The following MYRFL variants were observed in gnomAD, a reference collection of about 807,000 sequenced individuals.
The protein encoded by MYRFL is myelin regulatory factor-like protein.
Under a neutral mutation model 109.4 loss-of-function variants are expected in MYRFL, and 88 were observed. The observed-to-expected ratio is 0.80, with a 90% CI of 0.68 to 0.96. The LOEUF is 0.96. MYRFL is among the 40% of genes least tolerant of loss of function. The pLI is 0.00. For missense variants in MYRFL, 957 were observed against 954.9 expected (o/e 1.00, Z -0.03); for synonymous variants, 324 against 320.9 (o/e 1.01, Z -0.10).
At chr12:69,895,892 C>A (rs760939215) in intron 9 of MYRFL, among the ~76,000 whole-genome samples, 2 of 152,138 alleles carry the variant, frequency 1.3e-5, no homozygotes, top group Admixed American at 1.3e-4. Flanking sequence ...ATGATTTAGA[C>A]CTGTGGTTTT....
intron 11 of MYRFL, among the ~76,000 whole-genome samples, chr12:69,907,199 A>G (rs760263063): frequency 2.0e-5 from 3 of 152,192 alleles, no homozygotes; most frequent in African/African-American, 7.2e-5. Context: ...GAAATTAGAA[A>G]AGCATTTTGT....
At chr12:69,842,260 G>T (rs1014088293) in intron 1 of MYRFL, among the ~76,000 whole-genome samples, 3 of 152,116 alleles carry the variant, frequency 2.0e-5, no homozygotes, top group African/African-American at 7.2e-5. Context: ...CAGGCTAAAT[G>T]ATCTTTCAGA....
At chr12:69,881,185 G>T (rs898464214) in intron 5 of MYRFL, among the ~76,000 whole-genome samples, 1 of 152,014 alleles carries the variant, frequency 6.6e-6, no homozygotes, top group Non-Finnish European at 1.5e-5. Context: ...GCCCAGGCTG[G>T]TCTTGAATTC....
chr12:69,872,873 C>T (rs966451387), intron 2 of MYRFL, among the ~76,000 whole-genome samples: 3 of 152,028 alleles, frequency 2.0e-5, no homozygotes, highest in Non-Finnish European at 4.4e-5. Context: ...CTCAAGCAAT[C>T]CTCCTGCCTC....
intron 23 of MYRFL, 77 bp downstream of exon 23, chr12:69,958,019 G>T: frequency 6.7e-7 from 1 of 1,482,188 alleles, no homozygotes; most frequent in Non-Finnish European, 9.0e-7. Flanking sequence ...TCCCTCCCTG[G>T]CCAACCCTAG....
At chr12:69,943,131 C>T (rs1955717086) in intron 19 of MYRFL, among the ~76,000 whole-genome samples, 1 of 151,564 alleles carries the variant, frequency 6.6e-6, no homozygotes, top group Non-Finnish European at 1.5e-5. Flanking sequence ...AGATTCAATG[C>T]CATCCCCATC....
At chr12:69,863,681 A>T (rs1240230) in intron 2 of MYRFL, among the ~76,000 whole-genome samples, 3 of 152,034 alleles carry the variant, frequency 2.0e-5, no homozygotes, top group Non-Finnish European at 4.4e-5. Context: ...GTATATGTTG[A>T]GGAACTTAAG....
intron 2 of MYRFL, among the ~76,000 whole-genome samples, chr12:69,867,555 T>A (rs1885083925): frequency 6.6e-6 from 1 of 152,168 alleles, no homozygotes; most frequent in South Asian, 2.1e-4. Flanking sequence ...CTTAGAGACA[T>A]GTTATATCTG....
At chr12:69,899,700 C>T (rs1954120190) in intron 10 of MYRFL, among the ~76,000 whole-genome samples, 1 of 152,228 alleles carries the variant, frequency 6.6e-6, no homozygotes, top group South Asian at 2.1e-4. Context: ...TAGATGAGTT[C>T]CAGGTCTCCA....
chr12:69,887,490 A>C (rs1333006423), intron 6 of MYRFL, among the ~76,000 whole-genome samples: 2 of 152,184 alleles, frequency 1.3e-5, no homozygotes, highest in Non-Finnish European at 2.9e-5. Flanking sequence ...AAACATCCTA[A>C]AAAAGTGGAA....
chr12:69,939,796 A>G (rs550774978), intron 19 of MYRFL, among the ~76,000 whole-genome samples: 2 of 152,142 alleles, frequency 1.3e-5, no homozygotes, highest in South Asian at 4.2e-4. Context: ...AAACTTTGAA[A>G]AAAATTTAGA....
At chr12:69,877,831 G>T (rs1295403566) in intron 2 of MYRFL, among the ~76,000 whole-genome samples, 1 of 152,192 alleles carries the variant, frequency 6.6e-6, no homozygotes, top group East Asian at 1.9e-4. Context: ...TCAAGTAGAG[G>T]TTGGGGTGCT....
intron 19 of MYRFL, among the ~76,000 whole-genome samples, chr12:69,946,022 A>AACTT (rs1306297876): frequency 1.4e-5 from 2 of 147,714 alleles, no homozygotes; most frequent in African/African-American, 2.5e-5. Flanking sequence ...AAATTATAGA[A>AACTT]ACTTAATCAA....
chr12:69,933,224 C>T (rs1955326023), intron 16 of MYRFL, among the ~76,000 whole-genome samples: 1 of 151,900 alleles, frequency 6.6e-6, no homozygotes, highest in Non-Finnish European at 1.5e-5. Flanking sequence ...AGGCGGGAGG[C>T]AGCCTTTGCT....
At chr12:69,942,920 C>A (rs1294208969) in intron 19 of MYRFL, among the ~76,000 whole-genome samples, 6 of 152,110 alleles carry the variant, frequency 3.9e-5, no homozygotes, top group Admixed American at 2.6e-4. Context: ...CATGAGTGAA[C>A]TCCCATTCAC....
intron 5 of MYRFL, among the ~76,000 whole-genome samples, chr12:69,885,829 C>T (rs199814376): frequency 1.3e-5 from 2 of 152,224 alleles, no homozygotes; most frequent in East Asian, 3.9e-4. Flanking sequence ...GTTACTTTAT[C>T]TTGGTTCTAG....
chr12:69,939,669 A>G (rs560463515), intron 19 of MYRFL, among the ~76,000 whole-genome samples: 1 of 152,342 alleles, frequency 6.6e-6, no homozygotes, highest in African/African-American at 2.4e-5. Flanking sequence ...GTTCCTCACC[A>G]GCAACGGAAC....
At chr12:69,857,490 A>G (rs1884368786) in intron 2 of MYRFL, among the ~76,000 whole-genome samples, 1 of 151,884 alleles carries the variant, frequency 6.6e-6, no homozygotes, top group Non-Finnish European at 1.5e-5. Flanking sequence ...GAGACTTAAC[A>G]TTCTAACAAA....
At chr12:69,937,393 TAAA>T (rs1336982862) in intron 19 of MYRFL, among the ~76,000 whole-genome samples, 1 of 152,198 alleles carries the variant, frequency 6.6e-6, no homozygotes, top group African/African-American at 2.4e-5. Context: ...CAACAACTCT[TAAA>T]TAACAGTGGC....
Sources: allele counts gnomAD v4.1 joint callset (sites outside exome capture counted in the v4.1 genomes callset), GRCh38; gene constraint gnomAD v4.1.1; transcripts MANE v1.5; gene names NCBI Gene and HGNC (gene_info 2026-07-23, HGNC 2026-07-21).